FBP2: variants seen among roughly 807,000 people sequenced by gnomAD.
FBP2 encodes fructose-bisphosphatase 2.
A neutral mutation model predicts 31.6 loss-of-function variants in FBP2; 27 were observed. The ratio of observed to expected loss-of-function variants is 0.85; its 90% confidence interval spans 0.63 to 1.18. FBP2 has a LOEUF of 1.18. FBP2 is among the 50% of genes most tolerant of loss of function. The probability of loss-of-function intolerance (pLI) is 0.00; values close to 1 mark genes in which losing one functional copy is unlikely to be tolerated. For synonymous variants in FBP2, 168 were observed against 179.8 expected, an observed-to-expected ratio of 0.93 and a Z score of 0.53; for missense variants, 421 against 436.1, an observed-to-expected ratio of 0.97 and a Z score of 0.31.
At chr9:94,590,709 G>A (rs781515949) in intron 1 of FBP2, among the ~76,000 whole-genome samples, 5 of 152,202 alleles carry the variant, frequency 3.3e-5, no homozygotes, top group South Asian at 2.1e-4. Context: ...AGCCTCCACA[G>A]TGTGGAAAGA....
chr9:94,564,239 C>A (rs942721317), intron 5 of FBP2, among the ~76,000 whole-genome samples: 4 of 152,186 alleles, frequency 2.6e-5, no homozygotes, highest in African/African-American at 9.7e-5. Flanking sequence ...AGACGTAAAA[C>A]AATCCTCAGC....
At chr9:94,562,822 T>C (rs1260580705) in intron 6 of FBP2, among the ~76,000 whole-genome samples, 1 of 152,222 alleles carries the variant, frequency 6.6e-6, no homozygotes, top group African/African-American at 2.4e-5. Flanking sequence ...TTTCCAGATA[T>C]ATTGGCTGAG....
At chr9:94,572,237 G>C (rs1276457721) in intron 3 of FBP2, among the ~76,000 whole-genome samples, 1 of 152,024 alleles carries the variant, frequency 6.6e-6, no homozygotes, top group Admixed American at 6.6e-5. Context: ...ACATCCAACC[G>C]GTGCAAAATG....
chr9:94,593,610 C>T lies in FBP2; in HGVS notation c.117G>A (p.Leu39=). Residue 39 remains leucine, a synonymous_variant, in exon 1 of 7, where the codon CTG becomes CTA. Transcript: ENST00000375337. The part of the protein sequence containing the change: ...GELTQLLNSM[L]TAIKAISSAV... Reference sequence around the variant, plus strand: ...CCGAGGAGATGGCTTTGATGGCCGTCAGCATTGAGTTCAGCAGCTGGGTGA... The same window carrying T: ...CCGAGGAGATGGCTTTGATGGCCGTTAGCATTGAGTTCAGCAGCTGGGTGA... The T allele has an allele frequency of 6.2e-7, 1 of 1,614,208 alleles. No individual in the cohort carries two copies. The highest frequency in any genetic ancestry group is 1.1e-5 in the South Asian group (1 of 91,082).
intron 3 of FBP2, chr9:94,576,789 A>G (rs1420202707): frequency 1.3e-5 from 2 of 152,166 alleles, no homozygotes; most frequent in Non-Finnish European, 2.9e-5. Context: ...ACTCTGCTCT[A>G]TTTAGACTTG....
At position 94,587,410 on chromosome 9, in the gene FBP2, A is replaced by G; in HGVS notation, c.230T>C (p.Leu77Pro). Residue 77 changes from leucine to proline, a missense_variant, in exon 2 of 7, where the codon CTA (leucine) becomes CCA (proline). By Grantham distance (98) the Leu-to-Pro change is moderately conservative. Coordinates refer to ENST00000375337, the MANE Select transcript of FBP2 (RefSeq NM_003837.4). ...CATGTTGATCACCAGGGAATTGGAT[A>G]GCACATCCAGTTTCTTCACCTCATC... ...TGDEVKKLDV[L>P]SNSLVINMVQ... 2.5e-6 allele frequency: 4 copies of G among 1,613,834 alleles called. No individual in the cohort carries two copies. The South Asian group carries it at 4.4e-5, about 18-fold the overall frequency.
intron 3 of FBP2, chr9:94,577,298 A>G (rs80184632): frequency 0.089 from 13,521 of 152,232 alleles, 668 homozygotes; most frequent in Middle Eastern, 0.17. Flanking sequence ...TTTCCTGTCC[A>G]ATCCAGGGGT....
At position 94,593,660 on chromosome 9, in the gene FBP2, G is replaced by A. The variant is rs748612104; in HGVS notation, c.67C>T (p.Arg23Cys). 3 of 1,614,208 alleles carry A rather than the reference G, an allele frequency of 1.9e-6. No homozygotes were observed. The highest frequency in any genetic ancestry group is 1.1e-5 in the South Asian group (1 of 91,088). ...AGCTCCCCAGTCCCTTTGGCCTGAC[G>A]CCCCTTTTCCATAACGTAGCGGGTC... ...TLTRYVMEKG[R>C]QAKGTGELTQ... The change falls in exon 1 of 7, where the codon CGT becomes TGT. Residue 23 changes from arginine to cysteine, a missense_variant. Transcript: ENST00000375337.
chr9:94,591,243 A>G (rs375229691), intron 1 of FBP2, among the ~76,000 whole-genome samples: 153 of 152,292 alleles, frequency 1.0e-3, no homozygotes, highest in East Asian at 3.5e-3. Context: ...CATGGAGTGG[A>G]TGGGAGGCTC....
chr9:94,582,355 T>C (rs201660314), intron 3 of FBP2, among the ~76,000 whole-genome samples: 5,170 of 19,924 alleles, frequency 0.26, 134 homozygotes, highest in Middle Eastern at 0.46. Context: ...TGTGTGCGTG[T>C]GTGTGTGTGT....
In FBP2 at chr9:94,571,504, A is replaced by G. The variant is rs754725767; in HGVS notation, c.525T>C (p.Ala175=). ...YALYGSATLV[A]LSTGQGVDLF... ...GGTCCACGCCTTGCCCTGTGGAGAG[A>G]GCCACCAGGGTTGCACTACCGTACA... is the stretch of plus-strand genomic sequence containing the variant. The change falls in exon 4 of 7, where the codon GCT becomes GCC. Residue 175 remains alanine (A), a synonymous_variant. Coordinates refer to ENST00000375337, the MANE Select transcript of FBP2 (RefSeq NM_003837.4). 1.3e-5 allele frequency: 21 copies of G among 1,613,756 alleles called. No individual in the cohort carries two copies. The Admixed American group carries it at 1.8e-4, about 14-fold the overall frequency.
intron 2 of FBP2, among the ~76,000 whole-genome samples, chr9:94,585,448 CAGAG>C (rs1827416523): frequency 6.6e-6 from 1 of 151,368 alleles, no homozygotes; most frequent in Non-Finnish European, 1.5e-5. Flanking sequence ...GGAGAACAGA[CAGAG>C]AGCACACAGG....
chr9:94,562,877 G>A (rs1288279061), intron 6 of FBP2, among the ~76,000 whole-genome samples: 1 of 152,154 alleles, frequency 6.6e-6, no homozygotes, highest in Non-Finnish European at 1.5e-5. Flanking sequence ...ATTCTCTAGG[G>A]GATACTTGGG....
intron 3 of FBP2, among the ~76,000 whole-genome samples, chr9:94,573,400 G>A (rs1587841819): frequency 6.6e-6 from 1 of 152,052 alleles, no homozygotes; most frequent in Admixed American, 6.6e-5. Flanking sequence ...CTGGGACTAC[G>A]GGTATGCACT....
chr9:94,579,688 C>A (rs1827356860), intron 3 of FBP2, among the ~76,000 whole-genome samples: 1 of 152,080 alleles, frequency 6.6e-6, no homozygotes, highest in Admixed American at 6.5e-5. Context: ...CTTTTATAAC[C>A]TCTTTCTCTT....
chr9:94,586,778 A>T (rs1006062945), intron 2 of FBP2: 1 of 152,926 alleles, frequency 6.5e-6, no homozygotes, highest in Non-Finnish European at 1.5e-5. Context: ...GTGAATGCAG[A>T]CCCTCCCCAG....
chr9:94,571,647 G>A, intron 3 of FBP2, 45 bp from the exon 4 acceptor site: 1 of 1,546,722 alleles, frequency 6.5e-7, no homozygotes, highest in Non-Finnish European at 8.8e-7. Context: ...GTTGTCTCTG[G>A]AGAGAACACT....
intron 4 of FBP2, chr9:94,567,716 A>G (rs1827212169): frequency 3.3e-6 from 1 of 300,834 alleles, no homozygotes; most frequent in Non-Finnish European, 6.2e-6. Flanking sequence ...TTTATGGTGA[A>G]CCCAACTGTG....
chr9:94,592,603 C>T (rs1273698359), intron 1 of FBP2, among the ~76,000 whole-genome samples: 9 of 152,166 alleles, frequency 5.9e-5, no homozygotes, highest in East Asian at 1.9e-4. Flanking sequence ...GGTACGATCT[C>T]GACTCACCGC....
Sources: allele counts gnomAD v4.1 joint callset (sites outside exome capture counted in the v4.1 genomes callset), GRCh38; gene constraint gnomAD v4.1.1; transcripts MANE v1.5; gene names NCBI Gene and HGNC (gene_info 2026-07-23, HGNC 2026-07-21).